The following BCAR3 variants were observed in gnomAD, a reference collection of about 807,000 sequenced individuals.
BCAR3 encodes the protein breast cancer anti-estrogen resistance protein 3.
Under a neutral mutation model 80.1 loss-of-function variants are expected in BCAR3, and 37 were observed. The observed-to-expected ratio is 0.46, with a 90% CI of 0.36 to 0.61. The LOEUF (loss-of-function observed/expected upper bound fraction) is 0.61. Ranked by LOEUF, BCAR3 falls within the 20% of genes least tolerant of loss-of-function variation. The pLI is 0.00. For missense variants in BCAR3, 978 were observed against 1,068.2 expected (o/e 0.92, Z 1.18); for synonymous variants, 389 against 418.9 (o/e 0.93, Z 0.87).
chr1:93,777,433 T>G lies in BCAR3; in HGVS notation c.-63+68134A>C, dbSNP rs1363898980. 3.4e-5 allele frequency among the ~76,000 whole-genome samples: 5 copies of G among 149,094 alleles called. No individual in the cohort carries two copies. The East Asian group carries it at 9.9e-4, about 29-fold the overall frequency. On this transcript the variant is annotated intron_variant, in intron 2 of 13. Transcript: ENST00000370244. ...CTCCTCTTCCTCCTCCTCTTCCTCCTCCTCCTCTTCCTCCTCCTCCTCTTC... is the reference window on the plus strand; with the variant it reads ...CTCCTCTTCCTCCTCCTCTTCCTCCGCCTCCTCTTCCTCCTCCTCCTCTTC...
chr1:93,677,776 C>T (rs1335186838), intron 1 of BCAR3, among the ~76,000 whole-genome samples: 1 of 152,142 alleles, frequency 6.6e-6, no homozygotes, highest in African/African-American at 2.4e-5. Context: ...TGTGAGGTAT[C>T]AGCAAACAAT....
At chr1:93,676,925 G>C (rs1210602490) in intron 1 of BCAR3, among the ~76,000 whole-genome samples, 1 of 152,206 alleles carries the variant, frequency 6.6e-6, no homozygotes, top group Non-Finnish European at 1.5e-5. Context: ...GCTTCCCCAA[G>C]ATCTACTTAG....
intron 2 of BCAR3, among the ~76,000 whole-genome samples, chr1:93,709,868 C>T (rs1649959793): frequency 1.3e-5 from 2 of 152,034 alleles, no homozygotes; most frequent in Admixed American, 6.6e-5. Flanking sequence ...GATGGATCAT[C>T]ATGTAATTTT....
intron 2 of BCAR3, among the ~76,000 whole-genome samples, chr1:93,759,689 C>A (rs1651868713): frequency 6.6e-6 from 1 of 152,214 alleles, no homozygotes; most frequent in South Asian, 2.1e-4. Flanking sequence ...AAGGAACACA[C>A]CTGCCCTTGC....
chr1:93,818,050 G>A (rs1050226512), intron 2 of BCAR3, among the ~76,000 whole-genome samples: 17 of 152,232 alleles, frequency 1.1e-4, no homozygotes, highest in Non-Finnish European at 2.4e-4. Context: ...CCTGGTTTGA[G>A]TGTTAACCAC....
intron 2 of BCAR3, among the ~76,000 whole-genome samples, chr1:93,752,039 G>C (rs1571096775): frequency 6.6e-6 from 1 of 152,184 alleles, no homozygotes; most frequent in Non-Finnish European, 1.5e-5. Context: ...TTTATTCCCT[G>C]GGCAGTACCA....
intron 2 of BCAR3, among the ~76,000 whole-genome samples, chr1:93,672,656 C>T (rs1395292988): frequency 6.6e-6 from 1 of 152,206 alleles, no homozygotes; most frequent in African/African-American, 2.4e-5. Flanking sequence ...TCCATGTTCA[C>T]CCATTCCAGC....
intron 2 of BCAR3, among the ~76,000 whole-genome samples, chr1:93,724,484 T>A (rs1443277271): frequency 2.0e-5 from 3 of 152,168 alleles, no homozygotes; most frequent in African/African-American, 7.2e-5. Flanking sequence ...GCCTGCAGAG[T>A]TCAGAAAGCT....
chr1:93,618,634 C>T (rs1675211109), intron 3 of BCAR3, among the ~76,000 whole-genome samples: 1 of 152,180 alleles, frequency 6.6e-6, no homozygotes, highest in African/African-American at 2.4e-5. Context: ...CCTGGTGTCA[C>T]CCCAGAAATC....
At chr1:93,639,419 C>T (rs1019943779) in intron 3 of BCAR3, among the ~76,000 whole-genome samples, 1 of 151,408 alleles carries the variant, frequency 6.6e-6, no homozygotes, top group African/African-American at 2.4e-5. Context: ...TCTATCTGGG[C>T]ACTGAAAAAA....
At chr1:93,655,232 G>A (rs1381637582) in intron 2 of BCAR3, among the ~76,000 whole-genome samples, 1 of 152,168 alleles carries the variant, frequency 6.6e-6, no homozygotes, top group African/African-American at 2.4e-5. Flanking sequence ...ATCTTAAGCT[G>A]GAAAATAACC....
At chr1:93,564,339 G>C (rs1157041386) in intron 11 of BCAR3, among the ~76,000 whole-genome samples, 1 of 137,018 alleles carries the variant, frequency 7.3e-6, no homozygotes, top group Non-Finnish European at 1.5e-5. Context: ...TTGTTGCCCA[G>C]GCTGAAGTGC....
At chr1:93,814,306 C>T (rs190439641) in intron 2 of BCAR3, among the ~76,000 whole-genome samples, 30 of 152,334 alleles carry the variant, frequency 2.0e-4, no homozygotes, top group African/African-American at 5.1e-4. Context: ...GCCCTGAGTA[C>T]GAACTCTGAC....
intron 2 of BCAR3, among the ~76,000 whole-genome samples, chr1:93,836,725 TG>T (rs1654782454): frequency 6.6e-6 from 1 of 152,168 alleles, no homozygotes; most frequent in South Asian, 2.1e-4. Flanking sequence ...CCAGATGGCC[TG>T]AAGTAACTGA....
At chr1:93,798,398 C>T (rs1341265059) in intron 2 of BCAR3, among the ~76,000 whole-genome samples, 1 of 152,044 alleles carries the variant, frequency 6.6e-6, no homozygotes, top group Non-Finnish European at 1.5e-5. Flanking sequence ...CTCCTTCACT[C>T]CAGGGAGTCA....
chr1:93,564,484 G>T (rs1672855431), intron 11 of BCAR3, among the ~76,000 whole-genome samples: 1 of 151,822 alleles, frequency 6.6e-6, no homozygotes, highest in South Asian at 2.1e-4. Flanking sequence ...CTCCACGTTG[G>T]TCAGGCTGGT....
At chr1:93,676,429 T>G (rs1648492334) in intron 1 of BCAR3, among the ~76,000 whole-genome samples, 1 of 152,202 alleles carries the variant, frequency 6.6e-6, no homozygotes, top group South Asian at 2.1e-4. Context: ...GGAGCATCTT[T>G]ACTGAAGGTG....
chr1:93,676,128 C>T (rs1648476026), intron 1 of BCAR3, among the ~76,000 whole-genome samples: 1 of 152,060 alleles, frequency 6.6e-6, no homozygotes, highest in Non-Finnish European at 1.5e-5. Context: ...TCCTCACAAA[C>T]CACCCTTTCC....
At chr1:93,782,769 G>A (rs1211422017) in intron 2 of BCAR3, among the ~76,000 whole-genome samples, 1 of 152,104 alleles carries the variant, frequency 6.6e-6, no homozygotes, top group Non-Finnish European at 1.5e-5. Context: ...CTTAAATAAT[G>A]ACCCTAAATC....
Sources: gnomAD v4.1 joint callset for allele counts (sites outside exome capture counted in the v4.1 genomes callset) on GRCh38, gnomAD v4.1.1 for gene constraint, MANE v1.5 for transcripts, NCBI Gene and HGNC (gene_info 2026-07-23, HGNC 2026-07-21) for gene names.